The following ARHGEF26 variants were observed in gnomAD, a reference collection of about 807,000 sequenced individuals.
ARHGEF26 encodes the protein Rho guanine nucleotide exchange factor (GEF) 26.
In ARHGEF26, 59 loss-of-function variants were observed where a neutral mutation model predicts 89.4. The ratio of observed to expected loss-of-function variants is 0.66; its 90% CI spans 0.54 to 0.82. The LOEUF is 0.82. Ranked by LOEUF, ARHGEF26 falls within the 40% of genes least tolerant of loss-of-function variation. The pLI, the probability that ARHGEF26 is intolerant of heterozygous loss-of-function variation, is 0.00. For missense variants in ARHGEF26, 1,234 were observed against 1,085.6 expected (o/e 1.14, Z -1.92); for synonymous variants, 500 against 428.4 (o/e 1.17, Z -2.06).
At chr3:154,247,081 T>G (rs1274872636) in intron 12 of ARHGEF26, among the ~76,000 whole-genome samples, 1 of 152,144 alleles carries the variant, frequency 6.6e-6, no homozygotes, top group African/African-American at 2.4e-5. Flanking sequence ...CTAGTATCAT[T>G]TAGTTTTATT....
At chr3:154,163,661 T>C (rs1711805177) in intron 6 of ARHGEF26, among the ~76,000 whole-genome samples, 1 of 152,140 alleles carries the variant, frequency 6.6e-6, no homozygotes, top group South Asian at 2.1e-4. Context: ...TCTTAGAATA[T>C]GGAGACTTAA....
At chr3:154,153,488 G>A (rs1720148232) in intron 6 of ARHGEF26, among the ~76,000 whole-genome samples, 1 of 151,884 alleles carries the variant, frequency 6.6e-6, no homozygotes, top group Non-Finnish European at 1.5e-5. Flanking sequence ...TACATTGGAT[G>A]TTTTACTTAT....
chr3:154,256,267 G>T lies in ARHGEF26; in HGVS notation c.*794G>T. 1.0e-6 allele frequency: 1 copy of T among 984,800 alleles called. No individual in the cohort carries two copies. Among genetic ancestry groups the T allele is most frequent in the Non-Finnish European group, 1.2e-6 (1 of 829,428 alleles). The allele number at this position is 984,800 out of a possible 1,614,324, so 61.0% of individuals were successfully genotyped here. Reference sequence around the variant, plus strand: ...CTTTTTTCCCCACCTCTGTCGCCCAGGCTAGAGTATAGTGGTGTGATCTTG... The same window carrying T: ...CTTTTTTCCCCACCTCTGTCGCCCATGCTAGAGTATAGTGGTGTGATCTTG... On this transcript the variant is annotated 3_prime_UTR_variant, in exon 15 of 15. Coordinates refer to ENST00000465093, the MANE Select transcript of ARHGEF26 (RefSeq NM_015595.4).
At position 154,239,285 on chromosome 3, in the gene ARHGEF26, A is replaced by T. The variant is rs1021084070; in HGVS notation, c.2091-1085A>T. 8.6e-5 allele frequency among the ~76,000 whole-genome samples: 9 copies of T among 104,348 alleles called. No homozygotes were observed. The South Asian group carries it at 3.4e-3, about 39-fold the overall frequency. The allele number at this position is 104,348 out of a possible 152,430, so 68.5% of individuals were successfully genotyped here. ...GGGAGAGAGAGAGAGAGAGAGAGAGAGAGAGAGAGAGAGAGTGTGTGTGTG... is the reference window on the plus strand; with the variant it reads ...GGGAGAGAGAGAGAGAGAGAGAGAGTGAGAGAGAGAGAGAGTGTGTGTGTG... On this transcript the variant is annotated intron_variant, in intron 11 of 14. Coordinates refer to ENST00000465093, the MANE Select transcript of ARHGEF26 (RefSeq NM_015595.4).
rs534090117 is a variant in ARHGEF26, at chr3:154,229,587, G to A, written c.2090+3577G>A. Among the ~76,000 whole-genome samples the A allele has an allele frequency of 5.9e-5, 9 of 152,298 alleles. No individual in the cohort carries two copies. In the East Asian group the frequency reaches 1.7e-3, roughly 29 times the overall value. On this transcript the variant is annotated intron_variant, in intron 11 of 14. Transcript: ENST00000465093. ...TGGCACGATTGACATTTTGGGGCCTGATGTTTCTTTGTTGTAGAGGACTGT... is the reference window on the plus strand; with the variant it reads ...TGGCACGATTGACATTTTGGGGCCTAATGTTTCTTTGTTGTAGAGGACTGT...
chr3:154,140,288 A>T (rs1719278222), intron 4 of ARHGEF26, among the ~76,000 whole-genome samples: 1 of 152,212 alleles, frequency 6.6e-6, no homozygotes, highest in Non-Finnish European at 1.5e-5. Context: ...CAATGCCACG[A>T]GGGTAAGTAC....
chr3:154,207,819 T>A (rs1388598588), intron 9 of ARHGEF26, among the ~76,000 whole-genome samples: 1 of 152,126 alleles, frequency 6.6e-6, no homozygotes, highest in African/African-American at 2.4e-5. Context: ...CAGCACTACT[T>A]ACAATAACAA....
At chr3:154,147,234 C>T (rs561754582) in intron 4 of ARHGEF26, among the ~76,000 whole-genome samples, 4 of 152,190 alleles carry the variant, frequency 2.6e-5, no homozygotes, top group Non-Finnish European at 4.4e-5. Context: ...GTGAAACCCC[C>T]TCTCCACTAA....
rs759799653 is a variant in ARHGEF26 at position 154,256,927 on chromosome 3, T to G, written c.*1454T>G. ...TTTCATGGAGATGAAGGATGGGAGA[T>G]TAAGAGGGGGGAAATGATTTTTACT... On this transcript the variant is annotated 3_prime_UTR_variant, in exon 15 of 15. Transcript: ENST00000465093. The G allele has an allele frequency of 2.3e-5, 36 of 1,534,594 alleles. No homozygotes were observed. Among genetic ancestry groups the G allele is most frequent in the Non-Finnish European group, 2.9e-5 (33 of 1,146,448 alleles).
chr3:154,149,320 TTGAA>T, intron 4 of ARHGEF26, 65 bp from the exon 5 acceptor site: 10 of 1,340,034 alleles, frequency 7.5e-6, no homozygotes, highest in Non-Finnish European at 9.3e-6. Context: ...GAGTTATGCC[TTGAA>T]TAATGCCCTT....
chr3:154,233,306 C>G (rs1019069565), intron 11 of ARHGEF26, among the ~76,000 whole-genome samples: 1 of 152,126 alleles, frequency 6.6e-6, no homozygotes, highest in Non-Finnish European at 1.5e-5. Context: ...ATTTTTAACT[C>G]CTTGACTTAA....
chr3:154,158,131 A>C (rs1033698638), intron 6 of ARHGEF26, among the ~76,000 whole-genome samples: 2 of 152,168 alleles, frequency 1.3e-5, no homozygotes, highest in Admixed American at 1.3e-4. Flanking sequence ...GATAAGCCTG[A>C]ATTGTCCCAC....
At chr3:154,193,166 C>T (rs1386591768) in intron 8 of ARHGEF26, among the ~76,000 whole-genome samples, 1 of 152,132 alleles carries the variant, frequency 6.6e-6, no homozygotes, top group Non-Finnish European at 1.5e-5. Flanking sequence ...GATGCCTGCT[C>T]TCAGGGACAT....
intron 11 of ARHGEF26, among the ~76,000 whole-genome samples, chr3:154,227,424 G>T (rs1716561019): frequency 6.6e-6 from 1 of 151,652 alleles, no homozygotes; most frequent in African/African-American, 2.4e-5. Context: ...GCCTCTCGCA[G>T]GCGCCCGCTA....
At chr3:154,162,623 C>T (rs1711738392) in intron 6 of ARHGEF26, among the ~76,000 whole-genome samples, 1 of 152,004 alleles carries the variant, frequency 6.6e-6, no homozygotes, top group Non-Finnish European at 1.5e-5. Flanking sequence ...TCCAGGTAGT[C>T]AGGTTTCCTT....
Position 154,123,150 on chromosome 3 carries a change from G to T in ARHGEF26, c.1083+75G>T, listed in dbSNP as rs951749773. 7.0e-6 allele frequency: 11 copies of T among 1,564,788 alleles called. No homozygotes were observed. The African/African-American group carries it at 1.4e-4, about 19-fold the overall frequency. ...TGTGTTGGGAGTGGGGAGGAGGAGC[G>T]TAGAGGAAACCCGAAGAAGTCATTC... On this transcript the variant is annotated intron_variant, in intron 2 of 14. Coordinates refer to ENST00000465093, the MANE Select transcript of ARHGEF26 (RefSeq NM_015595.4).
intron 7 of ARHGEF26, among the ~76,000 whole-genome samples, chr3:154,188,997 G>A (rs1013781890): frequency 2.0e-5 from 3 of 152,094 alleles, no homozygotes; most frequent in African/African-American, 7.2e-5. Flanking sequence ...TCTGCTAGAT[G>A]CCAAAAATCT....
chr3:154,256,287 A>G lies in ARHGEF26; in HGVS notation c.*814A>G. 2 of 979,100 alleles carry G rather than the reference A, an allele frequency of 2.0e-6. No individual in the cohort carries two copies. The highest frequency in any genetic ancestry group is 9.5e-5 in the South Asian group (2 of 21,142). The allele number at this position is 979,100 out of a possible 1,614,324, so 60.7% of individuals were successfully genotyped here. On this transcript the variant is annotated 3_prime_UTR_variant, in exon 15 of 15. Coordinates refer to ENST00000465093, the MANE Select transcript of ARHGEF26 (RefSeq NM_015595.4). ...GCCCAGGCTAGAGTATAGTGGTGTG[A>G]TCTTGGCCCACTGCAACCTCTGCTT...
intron 10 of ARHGEF26, among the ~76,000 whole-genome samples, chr3:154,223,036 C>T (rs1043138575): frequency 3.3e-5 from 5 of 152,170 alleles, no homozygotes; most frequent in Non-Finnish European, 5.9e-5. Context: ...CACTAGAAAA[C>T]AGCTTTCTTT....
Sources: gnomAD v4.1 joint callset for allele counts (sites outside exome capture counted in the v4.1 genomes callset) on GRCh38, gnomAD v4.1.1 for gene constraint, MANE v1.5 for transcripts, NCBI Gene and HGNC (gene_info 2026-07-23, HGNC 2026-07-21) for gene names.